Variants in CPAP observed in about 807,000 individuals in gnomAD.
CPAP encodes centrosome assembly and centriole elongation protein, also known as centrosomal P4.1-associated protein.
the CPAP span, among the ~76,000 whole-genome samples, chr13:24,919,844 G>A: frequency 6.6e-6 from 1 of 152,248 alleles, no homozygotes; most frequent in African/African-American, 2.4e-5. Flanking sequence ...GCTCACGGCA[G>A]CTTCAACCTC....
the CPAP span, among the ~76,000 whole-genome samples, chr13:24,926,642 CAG>C: frequency 5.3e-5 from 8 of 152,092 alleles, no homozygotes; most frequent in African/African-American, 1.7e-4. Flanking sequence ...ACAGAGGAGA[CAG>C]AGTTTCCCTG....
At chr13:24,884,484 T>G in the CPAP span, 1,045 of 1,613,360 alleles carry the variant, frequency 6.5e-4, 1 homozygote, top group Non-Finnish European at 6.3e-4. Flanking sequence ...AACACAAGAT[T>G]ATCACCTAAG....
chr13:24,903,791 T>C, the CPAP span: 825 of 1,025,886 alleles, frequency 8.0e-4, 10 homozygotes, highest in East Asian at 0.015. Flanking sequence ...AAAAAACTTA[T>C]ATGATACAGA....
chr13:24,930,928 C>T, the CPAP span, among the ~76,000 whole-genome samples: 1 of 152,196 alleles, frequency 6.6e-6, no homozygotes, highest in Non-Finnish European at 1.5e-5. Context: ...ACATCCCCAC[C>T]AACAGTGTAT....
chr13:24,912,005 C>T, the CPAP span: 2 of 1,614,114 alleles, frequency 1.2e-6, no homozygotes, highest in South Asian at 1.1e-5. Context: ...TTCCATGAGT[C>T]TCTGTAGTTG....
At chr13:24,933,827 CA>C in the CPAP span, among the ~76,000 whole-genome samples, 1 of 152,004 alleles carries the variant, frequency 6.6e-6, no homozygotes, top group African/African-American at 2.4e-5. Flanking sequence ...TGAGTTCAAG[CA>C]ATTCTCCTGC....
the CPAP span, chr13:24,913,134 T>C: frequency 1.1e-5 from 10 of 913,656 alleles, no homozygotes; most frequent in African/African-American, 1.7e-5. Flanking sequence ...GGTAAAGCCA[T>C]TAGATGTCCT....
chr13:24,905,629 T>A, the CPAP span: 4 of 1,614,210 alleles, frequency 2.5e-6, no homozygotes, highest in Admixed American at 1.7e-5. Flanking sequence ...ACAAATTCTC[T>A]TCAAGGTCAG....
the CPAP span, among the ~76,000 whole-genome samples, chr13:24,914,131 G>A: frequency 6.6e-6 from 1 of 152,134 alleles, no homozygotes; most frequent in Non-Finnish European, 1.5e-5. Flanking sequence ...GGGAAAAGGA[G>A]GTTGTAACTT....
the CPAP span, among the ~76,000 whole-genome samples, chr13:24,895,552 G>A: frequency 4.3e-4 from 65 of 152,090 alleles, no homozygotes; most frequent in Admixed American, 1.6e-3. Context: ...GTGAGACTCC[G>A]TCAAGAAAGA....
chr13:24,883,007 T>C, the CPAP span: 3 of 631,610 alleles, frequency 4.7e-6, no homozygotes, highest in African/African-American at 1.8e-5. Context: ...ATGAGAGCTA[T>C]CATTGCATTT....
At chr13:24,887,001 G>C in the CPAP span, among the ~76,000 whole-genome samples, 1 of 152,250 alleles carries the variant, frequency 6.6e-6, no homozygotes, top group East Asian at 1.9e-4. Flanking sequence ...CTAGAGGACT[G>C]TGTGAACCCA....
the CPAP span, among the ~76,000 whole-genome samples, chr13:24,896,626 A>G: frequency 6.6e-6 from 1 of 152,264 alleles, no homozygotes; most frequent in African/African-American, 2.4e-5. Context: ...TTCATCTAAC[A>G]AAGTACAACA....
chr13:24,903,458 T>C, the CPAP span, among the ~76,000 whole-genome samples: 1 of 152,202 alleles, frequency 6.6e-6, no homozygotes, highest in Non-Finnish European at 1.5e-5. Flanking sequence ...TGGAGTGATG[T>C]AGCTGCAATC....
the CPAP span, among the ~76,000 whole-genome samples, chr13:24,927,206 G>C: frequency 1.7e-3 from 255 of 152,198 alleles, 3 homozygotes; most frequent in Non-Finnish European, 3.1e-4. Context: ...CCAATGGGGG[G>C]GTCACTATGC....
At chr13:24,915,198 A>C in the CPAP span, among the ~76,000 whole-genome samples, 1 of 152,190 alleles carries the variant, frequency 6.6e-6, no homozygotes, top group East Asian at 1.9e-4. Context: ...GATCAATAGG[A>C]TCTTCTCCCT....
chr13:24,884,020 A>G, the CPAP span: 7 of 1,614,108 alleles, frequency 4.3e-6, no homozygotes, highest in Non-Finnish European at 5.9e-6. Flanking sequence ...TCCATCAGGA[A>G]ATAAGTTTTT....
At chr13:24,913,817 A>G in the CPAP span, among the ~76,000 whole-genome samples, 1 of 152,278 alleles carries the variant, frequency 6.6e-6, no homozygotes, top group Non-Finnish European at 1.5e-5. Context: ...GGCTCATGCC[A>G]TAACTCTGTA....
At chr13:24,887,215 A>AAGAC in the CPAP span, among the ~76,000 whole-genome samples, 1 of 152,210 alleles carries the variant, frequency 6.6e-6, no homozygotes, top group African/African-American at 2.4e-5. Flanking sequence ...AAAGAGCAAA[A>AAGAC]AGACAAGCCA....
Sources: gnomAD v4.1 joint callset for allele counts (sites outside exome capture counted in the v4.1 genomes callset) on GRCh38, gnomAD v4.1.1 for gene constraint, MANE v1.5 for transcripts, NCBI Gene and HGNC (gene_info 2026-07-23, HGNC 2026-07-21) for gene names.